The following UGT1A8 variants were observed in gnomAD, a reference collection of about 807,000 sequenced individuals.
UGT1A8 encodes UDP-glucuronosyltransferase 1A8.
A neutral mutation model predicts 45.3 loss-of-function variants in UGT1A8; 39 were observed. That is an observed-to-expected ratio of 0.86 (90% confidence interval 0.67 to 1.12). The LOEUF (loss-of-function observed/expected upper bound fraction) is 1.12, where lower values mean the gene tolerates loss of function less well. Among genes scored for constraint, UGT1A8 ranks in the 50% most tolerant of loss-of-function variants. The pLI is 0.00. For synonymous variants in UGT1A8, 275 were observed against 249.2 expected, an observed-to-expected ratio of 1.10 and a Z score of -0.97; for missense variants, 719 against 664.9, an observed-to-expected ratio of 1.08 and a Z score of -0.90.
At chr2:233,729,878 A>G in intron 1 of UGT1A8, 3 of 1,613,834 alleles carry the variant, frequency 1.9e-6, no homozygotes, top group Non-Finnish European at 1.7e-6. Context: ...ATTCTCAGTC[A>G]TGCATCTGTG....
intron 1 of UGT1A8, among the ~76,000 whole-genome samples, chr2:233,675,595 C>A (rs1159705541): frequency 6.6e-6 from 1 of 152,110 alleles, no homozygotes; most frequent in Non-Finnish European, 1.5e-5. Context: ...GTGGACAAGA[C>A]TAAGGCCTCC....
chr2:233,755,271 C>CATAG, intron 1 of UGT1A8: 1 of 755,820 alleles, frequency 1.3e-6, no homozygotes. Flanking sequence ...GTCCACTATG[C>CATAG]TGGACTGCCA....
At chr2:233,731,656 T>G (rs62191916) in intron 1 of UGT1A8, among the ~76,000 whole-genome samples, 12,108 of 152,302 alleles carry the variant, frequency 0.079, 643 homozygotes, top group East Asian at 0.2. Context: ...GGTGTATATG[T>G]GCCACATTTT....
At chr2:233,633,764 T>C (rs1262287160) in intron 1 of UGT1A8, among the ~76,000 whole-genome samples, 1 of 152,232 alleles carries the variant, frequency 6.6e-6, no homozygotes, top group African/African-American at 2.4e-5. Flanking sequence ...AACCAGCTCC[T>C]GGATTCATTG....
intron 1 of UGT1A8, among the ~76,000 whole-genome samples, chr2:233,657,279 G>A (rs1210203566): frequency 3.3e-5 from 5 of 152,100 alleles, no homozygotes; most frequent in Non-Finnish European, 5.9e-5. Context: ...TGCTCTAAAG[G>A]AATACCTGGG....
intron 1 of UGT1A8, among the ~76,000 whole-genome samples, chr2:233,632,621 G>T (rs766039935): frequency 6.6e-6 from 1 of 151,798 alleles, no homozygotes; most frequent in Non-Finnish European, 1.5e-5. Context: ...TTTACAATTT[G>T]GCTCTCTGTT....
intron 1 of UGT1A8, among the ~76,000 whole-genome samples, chr2:233,696,006 C>T (rs2075317291): frequency 6.6e-6 from 1 of 152,064 alleles, no homozygotes; most frequent in Admixed American, 6.6e-5. Flanking sequence ...AGCATCAGGT[C>T]CCACAGACAT....
intron 1 of UGT1A8, chr2:233,755,113 A>G (rs1695768898): frequency 4.5e-6 from 6 of 1,332,422 alleles, no homozygotes; most frequent in Non-Finnish European, 6.1e-6. Flanking sequence ...AACACCTCGT[A>G]GGCCTCAGCC....
At chr2:233,667,541 T>C (rs900585485) in intron 1 of UGT1A8, among the ~76,000 whole-genome samples, 14 of 152,130 alleles carry the variant, frequency 9.2e-5, no homozygotes, top group Non-Finnish European at 5.9e-5. Flanking sequence ...TGGGATCTCA[T>C]TAAACTAAAG....
chr2:233,634,721 A>G (rs1027826570), intron 1 of UGT1A8, among the ~76,000 whole-genome samples: 1 of 140,802 alleles, frequency 7.1e-6, no homozygotes, highest in African/African-American at 2.7e-5. Context: ...GGTCTTCTGA[A>G]TGCAGCACAC....
At chr2:233,724,236 C>T (rs1274284123) in intron 1 of UGT1A8, among the ~76,000 whole-genome samples, 29 of 110,938 alleles carry the variant, frequency 2.6e-4, no homozygotes, top group East Asian at 8.5e-4. Flanking sequence ...TAGGGGCGGC[C>T]GGGCAGAGGC....
intron 1 of UGT1A8, among the ~76,000 whole-genome samples, chr2:233,764,057 C>T (rs1242895801): frequency 1.3e-5 from 2 of 152,096 alleles, no homozygotes; most frequent in African/African-American, 4.8e-5. Context: ...AAATGAAATG[C>T]ATTTGGGAAG....
chr2:233,769,848 A>C lies in UGT1A8; in HGVS notation c.1295+1409A>C. ...CCAGCAACCTGGGCAACAGAGTGAG[A>C]CCCTGTCTCAAAAAAAAAAAAAAAA... is the stretch of plus-strand genomic sequence containing the variant. On this transcript the variant is annotated intron_variant, in intron 4 of 4. Transcript: ENST00000373450. The surrounding 1 kb of genome is among the most constrained non-coding windows in gnomAD (Gnocchi z 4.4). The C allele has an allele frequency of 1.9e-5, 9 of 472,234 alleles. No homozygotes were observed. Among genetic ancestry groups the C allele is most frequent in the South Asian group, 5.6e-5 (1 of 17,844 alleles). The allele number at this position is 472,234 out of a possible 1,614,324, so 29.3% of individuals were successfully genotyped here.
chr2:233,710,910 C>A (rs1487105945), intron 1 of UGT1A8, among the ~76,000 whole-genome samples: 2 of 152,188 alleles, frequency 1.3e-5, no homozygotes, highest in African/African-American at 4.8e-5. Flanking sequence ...GGAAAGAGGT[C>A]TTTAGACCAC....
chr2:233,618,377 T>C lies in UGT1A8; in HGVS notation c.670T>C (p.Ser224Pro), dbSNP rs768137865. 4 of 1,613,948 alleles carry C rather than the reference T, an allele frequency of 2.5e-6. No homozygotes were observed. The highest frequency in any genetic ancestry group is 2.2e-5 in the South Asian group (2 of 91,064). ...GGAACATTTATTTTGCCAGTATTTTTCCAAAAATGCCCTAGAAATAGCCTC... is the reference window on the plus strand; with the variant it reads ...GGAACATTTATTTTGCCAGTATTTTCCCAAAAATGCCCTAGAAATAGCCTC... Reference protein sequence around the residue: ...LEEHLFCQYFSKNALEIASEI... With the variant: ...LEEHLFCQYFPKNALEIASEI... Residue 224 changes from serine (S) to proline (P), a missense_variant, in exon 1 of 5, where the codon TCC becomes CCC. Physicochemically the swap from Ser to Pro is moderately conservative, Grantham distance 74. Transcript: ENST00000373450.
At chr2:233,636,508 G>C in intron 1 of UGT1A8, 1 of 1,605,576 alleles carries the variant, frequency 6.2e-7, no homozygotes, top group Non-Finnish European at 8.5e-7. Flanking sequence ...TGCTGGCTCG[G>C]GCTGCAGTTC....
chr2:233,674,800 A>G (rs1252916082), intron 1 of UGT1A8, among the ~76,000 whole-genome samples: 2 of 152,206 alleles, frequency 1.3e-5, no homozygotes, highest in African/African-American at 4.8e-5. Context: ...GGAATTCAGA[A>G]CTCAAAGAAG....
intron 1 of UGT1A8, among the ~76,000 whole-genome samples, chr2:233,633,602 T>G (rs988485517): frequency 3.3e-5 from 5 of 152,164 alleles, no homozygotes; most frequent in Non-Finnish European, 7.3e-5. Context: ...TGTGTAGAGG[T>G]GTTGATAGTA....
intron 1 of UGT1A8, among the ~76,000 whole-genome samples, chr2:233,720,278 T>G (rs1449886876): frequency 6.6e-6 from 1 of 151,854 alleles, no homozygotes; most frequent in Non-Finnish European, 1.5e-5. Flanking sequence ...CTGAGAAAAG[T>G]TTTTCTGACC....
Sources: gnomAD v4.1 joint callset for allele counts (sites outside exome capture counted in the v4.1 genomes callset) on GRCh38, gnomAD v4.1.1 for gene constraint, Gnocchi (gnomAD v3.1) non-coding constraint, MANE v1.5 for transcripts, NCBI Gene and HGNC (gene_info 2026-07-23, HGNC 2026-07-21) for gene names.